ZNF407: variants seen among roughly 807,000 people sequenced by gnomAD.
The protein encoded by ZNF407 is zinc finger protein 407.
Under a neutral mutation model 131.2 loss-of-function variants are expected in ZNF407, and 17 were observed. The observed-to-expected ratio is 0.13, with a 90% confidence interval of 0.09 to 0.19. ZNF407 has a LOEUF of 0.19. Among genes scored for constraint, ZNF407 ranks in the 10% least tolerant of loss-of-function variants. ZNF407 has a pLI of 1.00. For synonymous variants in ZNF407, 1,156 were observed against 1,062.0 expected, an observed-to-expected ratio of 1.09 and a Z score of -1.72; for missense variants, 2,681 against 2,830.6, an observed-to-expected ratio of 0.95 and a Z score of 1.20.
chr18:74,809,999 CTG>C (rs1043811496), intron 4 of ZNF407, among the ~76,000 whole-genome samples: 12 of 152,160 alleles, frequency 7.9e-5, no homozygotes, highest in African/African-American at 2.9e-4. Context: ...ATGCAAAAGA[CTG>C]TGAGAGGAAC....
intron 8 of ZNF407, among the ~76,000 whole-genome samples, chr18:74,929,453 A>G (rs1320307317): frequency 2.0e-5 from 3 of 152,202 alleles, no homozygotes; most frequent in Non-Finnish European, 4.4e-5. Flanking sequence ...TTCATTTATC[A>G]AAATTTTAAG....
At chr18:75,034,915 A>C (rs1226876530) in intron 8 of ZNF407, among the ~76,000 whole-genome samples, 1 of 152,122 alleles carries the variant, frequency 6.6e-6, no homozygotes, top group Non-Finnish European at 1.5e-5. Flanking sequence ...CTTCTTCATA[A>C]CTCTAGGTAA....
At chr18:74,618,921 T>C (rs1004890895) in intron 1 of ZNF407, among the ~76,000 whole-genome samples, 7 of 152,260 alleles carry the variant, frequency 4.6e-5, no homozygotes, top group Non-Finnish European at 8.8e-5. Context: ...GATAGTTTTA[T>C]ATCATATGTT....
rs1967847453 is a variant in ZNF407 at position 74,714,615 on chromosome 18, C to T, written c.4803-66813C>T. ...TCTTTTACTGTCTTCTGGCATGATGCTTTCAACTTTATTTTTAAATCAAAG... is the reference window on the plus strand; with the variant it reads ...TCTTTTACTGTCTTCTGGCATGATGTTTTCAACTTTATTTTTAAATCAAAG... On this transcript the variant is annotated intron_variant, in intron 3 of 8. Coordinates refer to ENST00000299687, the MANE Select transcript of ZNF407 (RefSeq NM_017757.3). Among the ~76,000 whole-genome samples the T allele has an allele frequency of 2.0e-5, 3 of 152,202 alleles. No individual in the cohort carries two copies. In the South Asian group the frequency reaches 6.2e-4, roughly 32 times the overall value.
chr18:74,925,684 T>C (rs905154335), intron 8 of ZNF407, among the ~76,000 whole-genome samples: 10 of 152,198 alleles, frequency 6.6e-5, no homozygotes, highest in African/African-American at 2.4e-4. Flanking sequence ...TGTACAACAA[T>C]TCATTTTCTG....
chr18:74,741,394 A>C (rs1968546752), intron 3 of ZNF407, among the ~76,000 whole-genome samples: 1 of 152,146 alleles, frequency 6.6e-6, no homozygotes, highest in East Asian at 1.9e-4. Flanking sequence ...ATACATGCAT[A>C]CAAATAATTT....
At chr18:75,036,155 T>C (rs888886263) in intron 8 of ZNF407, among the ~76,000 whole-genome samples, 1 of 152,254 alleles carries the variant, frequency 6.6e-6, no homozygotes, top group Admixed American at 6.5e-5. Context: ...AGGATATTTA[T>C]GCAAAAGTGA....
chr18:75,051,127 G>A (rs1973495704), intron 8 of ZNF407, among the ~76,000 whole-genome samples: 1 of 152,124 alleles, frequency 6.6e-6, no homozygotes, highest in Non-Finnish European at 1.5e-5. Context: ...TGATAGGCTG[G>A]AAGTATGTAC....
intron 8 of ZNF407, among the ~76,000 whole-genome samples, chr18:75,045,399 G>C (rs1973423617): frequency 6.6e-6 from 1 of 152,044 alleles, no homozygotes; most frequent in African/African-American, 2.4e-5. Flanking sequence ...GCTTAAGTTG[G>C]GGCATTCAGC....
At chr18:75,028,057 A>T (rs1263552715) in intron 8 of ZNF407, among the ~76,000 whole-genome samples, 1 of 152,196 alleles carries the variant, frequency 6.6e-6, no homozygotes, top group East Asian at 1.9e-4. Context: ...GTCCTGGAAG[A>T]TTCCAATTTT....
intron 4 of ZNF407, among the ~76,000 whole-genome samples, chr18:74,859,392 G>A (rs1281430121): frequency 2.6e-5 from 4 of 152,118 alleles, no homozygotes; most frequent in African/African-American, 7.3e-5. Flanking sequence ...AGTATTTAAC[G>A]TGTAACACTG....
chr18:74,899,539 T>C lies in ZNF407; in HGVS notation c.5249+9501T>C, dbSNP rs528439025. ...GGATGAGCTGCTTATGAGATGCCCA[T>C]GTGATGTCCAAATGAAACCAGGTCA... On this transcript the variant is annotated intron_variant, in intron 7 of 8. Transcript: ENST00000299687. Among the ~76,000 whole-genome samples the C allele has an allele frequency of 4.1e-4, 62 of 152,280 alleles. 1 individual carries two copies. Among genetic ancestry groups the C allele is most frequent in the Admixed American group, 1.6e-3 (24 of 15,302 alleles).
At position 74,650,935 on chromosome 18, in the gene ZNF407, G is replaced by A. The variant is rs953206257; in HGVS notation, c.4802+9813G>A. On this transcript the variant is annotated intron_variant, in intron 3 of 8. Transcript: ENST00000299687. ...GAAATTGCTATATATGTGTGTGTGT[G>A]TCTATCTATCTATCTATCTATATAT... 2.0e-5 allele frequency among the ~76,000 whole-genome samples: 3 copies of A among 151,902 alleles called. No homozygotes were observed. The South Asian group carries it at 6.2e-4, about 31-fold the overall frequency.
intron 8 of ZNF407, among the ~76,000 whole-genome samples, chr18:74,973,710 G>A (rs576857331): frequency 4.3e-4 from 66 of 152,296 alleles, no homozygotes; most frequent in African/African-American, 1.5e-3. Flanking sequence ...AGAAGTCTGC[G>A]ATCAAGGTGT....
chr18:74,601,223 G>A (rs1473076846), intron 1 of ZNF407, among the ~76,000 whole-genome samples: 4 of 152,102 alleles, frequency 2.6e-5, no homozygotes, highest in Admixed American at 2.0e-4. Flanking sequence ...CTGTGAACAC[G>A]TTGAGTGGGC....
At chr18:74,930,863 A>G (rs1971975210) in intron 8 of ZNF407, among the ~76,000 whole-genome samples, 1 of 152,146 alleles carries the variant, frequency 6.6e-6, no homozygotes, top group African/African-American at 2.4e-5. Context: ...ATGAATCACT[A>G]CCTTAAGGAG....
intron 8 of ZNF407, among the ~76,000 whole-genome samples, chr18:75,056,513 G>T (rs746898588): frequency 2.4e-4 from 37 of 152,150 alleles, no homozygotes; most frequent in Non-Finnish European, 8.8e-5. Context: ...CACTTGATTG[G>T]AGTTTTCCCT....
intron 1 of ZNF407, among the ~76,000 whole-genome samples, chr18:74,624,200 T>A (rs1313272127): frequency 6.6e-6 from 1 of 152,146 alleles, no homozygotes; most frequent in East Asian, 1.9e-4. Context: ...GGCTTTCTGG[T>A]TCATGATAAG....
chr18:74,798,241 G>A (rs1969958822), intron 4 of ZNF407, among the ~76,000 whole-genome samples: 2 of 88,516 alleles, frequency 2.3e-5, no homozygotes, highest in Non-Finnish European at 5.5e-5. Flanking sequence ...CACACACAGA[G>A]TCTCTGAAGC....
Sources: allele counts gnomAD v4.1 joint callset (sites outside exome capture counted in the v4.1 genomes callset), GRCh38; gene constraint gnomAD v4.1.1; transcripts MANE v1.5; gene names NCBI Gene and HGNC (gene_info 2026-07-23, HGNC 2026-07-21).